Variants in RASA3 observed in about 807,000 individuals in gnomAD.
RASA3 encodes RAS p21 protein activator 3, also known as ras GTPase-activating protein 3.
In RASA3, 73 loss-of-function variants were observed where a neutral mutation model predicts 110.0. That is an observed-to-expected ratio of 0.66 (90% CI 0.55 to 0.81). The LOEUF is 0.81. Among genes scored for constraint, RASA3 ranks in the 30% least tolerant of loss-of-function variants. The pLI is 0.00. For missense variants in RASA3, 976 were observed against 1,113.2 expected (o/e 0.88, Z 1.75); for synonymous variants, 500 against 451.4 (o/e 1.11, Z -1.37).
At chr13:114,130,860 T>G (rs1377943782) in intron 1 of RASA3, among the ~76,000 whole-genome samples, 2 of 151,960 alleles carry the variant, frequency 1.3e-5, no homozygotes, top group Admixed American at 6.5e-5. Flanking sequence ...GGAAGCCCAG[T>G]GCTTCTCACA....
intron 20 of RASA3, 62 bp from the exon 21 acceptor site, chr13:113,996,801 A>C: frequency 2.8e-6 from 4 of 1,452,046 alleles, no homozygotes; most frequent in Non-Finnish European, 3.8e-6. Flanking sequence ...CACGTGCAAG[A>C]GTCCACCAGG....
At chr13:114,074,696 C>T (rs2079638055) in intron 1 of RASA3, among the ~76,000 whole-genome samples, 2 of 152,256 alleles carry the variant, frequency 1.3e-5, no homozygotes, top group Admixed American at 6.5e-5. Context: ...CTCCCTCCTT[C>T]AAGCCCACAG....
chr13:114,112,871 G>T lies in RASA3; in HGVS notation c.55+19564C>A, dbSNP rs559287079. On this transcript the variant is annotated intron_variant, in intron 1 of 23. Transcript: ENST00000334062. This position sits in a 1 kb window ranked among gnomAD's most constrained non-coding sequence, Gnocchi z 4.8. ...CCTCAGCAAAAAAGCAACACTCGCC[G>T]TTCAGAGAGTGAATGAGAGGCCAGC... is the stretch of plus-strand genomic sequence containing the variant. Among the ~76,000 whole-genome samples, 2 of 152,124 alleles carry T rather than the reference G, an allele frequency of 1.3e-5. No homozygotes were observed. Among genetic ancestry groups the T allele is most frequent in the Non-Finnish European group, 2.9e-5 (2 of 68,016 alleles).
At chr13:114,111,950 G>T (rs987005543) in intron 1 of RASA3, among the ~76,000 whole-genome samples, 1 of 152,198 alleles carries the variant, frequency 6.6e-6, no homozygotes, top group African/African-American at 2.4e-5. Flanking sequence ...GGTGAAGGAG[G>T]CACAGACTTC....
chr13:114,030,898 T>C (rs1167369467), intron 4 of RASA3, among the ~76,000 whole-genome samples: 1 of 151,892 alleles, frequency 6.6e-6, no homozygotes, highest in Non-Finnish European at 1.5e-5. Flanking sequence ...CAACTGTGTG[T>C]GTCTATGTGT....
chr13:114,001,661 C>T (rs1426274267), intron 18 of RASA3, among the ~76,000 whole-genome samples: 1 of 149,626 alleles, frequency 6.7e-6, no homozygotes, highest in Non-Finnish European at 1.5e-5. Context: ...GACCTGCGGC[C>T]GTGGGCTCGG....
chr13:114,007,391 C>A (rs1440063821), intron 18 of RASA3, 142 bp downstream of exon 18: 3 of 410,806 alleles, frequency 7.3e-6, no homozygotes. Flanking sequence ...CTTCTCCCCT[C>A]CTGCCCTGCT....
chr13:113,999,563 G>A (rs1247463008), intron 20 of RASA3, 22 bp downstream of exon 20: 5 of 1,609,652 alleles, frequency 3.1e-6, no homozygotes, highest in African/African-American at 1.3e-5. Context: ...CCGAAAGAGA[G>A]GCTTGGGGGC....
At chr13:114,079,936 G>C (rs1231384167) in intron 1 of RASA3, among the ~76,000 whole-genome samples, 2 of 152,190 alleles carry the variant, frequency 1.3e-5, no homozygotes, top group African/African-American at 4.8e-5. Flanking sequence ...CCCGAGGCAG[G>C]GGACACAGCG....
In RASA3 at chr13:114,027,426, G is replaced by A; in HGVS notation, c.566C>T (p.Thr189Ile). 1.2e-6 allele frequency: 2 copies of A among 1,613,374 alleles called. No homozygotes were observed. The highest frequency in any genetic ancestry group is 1.7e-6 in the Non-Finnish European group (2 of 1,179,392). ...CACTTCATCGAACTGGGGATTGTTGGTCTTCCTCTTCACTTTCGTCTTCTT... is the reference window on the plus strand; with the variant it reads ...CACTTCATCGAACTGGGGATTGTTGATCTTCCTCTTCACTTTCGTCTTCTT... Reference protein sequence around the residue: ...EAKKTKVKRKTNNPQFDEVFY... With the variant: ...EAKKTKVKRKINNPQFDEVFY... The change falls in exon 7 of 24, where the codon ACC becomes ATC. Residue 189 changes from threonine to isoleucine, a missense_variant. Transcript: ENST00000334062.
At position 114,065,484 on chromosome 13, in the gene RASA3, C is replaced by G. The variant is rs561491814; in HGVS notation, c.173+8236G>C. ...AAGCCAGCCTCTGGGCTGAGCTCTG[C>G]GGTCCTGAGTCACTGCCTGACTCAT... On this transcript the variant is annotated intron_variant, in intron 2 of 23. Coordinates refer to ENST00000334062, the MANE Select transcript of RASA3 (RefSeq NM_007368.4). This position sits in a 1 kb window ranked among gnomAD's most constrained non-coding sequence, Gnocchi z 4.1. 6.6e-6 allele frequency among the ~76,000 whole-genome samples: 1 copy of G among 152,194 alleles called. No homozygotes were observed. The highest frequency in any genetic ancestry group is 2.4e-5 in the African/African-American group (1 of 41,448).
At chr13:114,071,921 G>A (rs1365357066) in intron 2 of RASA3, among the ~76,000 whole-genome samples, 3 of 152,154 alleles carry the variant, frequency 2.0e-5, no homozygotes, top group African/African-American at 2.4e-5. Context: ...AGCTAAACAT[G>A]TTCTCAAAAT....
Position 114,026,123 on chromosome 13 carries a change from A to G in RASA3, c.603+1266T>C, listed in dbSNP as rs1398705574. 2.0e-5 allele frequency among the ~76,000 whole-genome samples: 3 copies of G among 152,240 alleles called. No homozygotes were observed. In the East Asian group the frequency reaches 5.8e-4, roughly 29 times the overall value. On this transcript the variant is annotated intron_variant, in intron 7 of 23. Coordinates refer to ENST00000334062, the MANE Select transcript of RASA3 (RefSeq NM_007368.4). The stretch of plus-strand genomic sequence containing the variant: ...TGTAGGCTGAGACCCACGTCTTTAC[A>G]GAGTGAAACAGGAGTGCACACAGTA...
chr13:114,127,119 G>A (rs1185677218), intron 1 of RASA3, among the ~76,000 whole-genome samples: 2 of 152,218 alleles, frequency 1.3e-5, no homozygotes, highest in Non-Finnish European at 2.9e-5. Flanking sequence ...CTGCAAACAC[G>A]GTGCCACAGC....
chr13:114,101,378 C>T (rs924004776), intron 1 of RASA3, among the ~76,000 whole-genome samples: 8 of 152,236 alleles, frequency 5.3e-5, no homozygotes, highest in African/African-American at 1.9e-4. Context: ...CCACGGCCCA[C>T]CAGGGGACTG....
At chr13:114,110,763 G>A (rs957211009) in intron 1 of RASA3, among the ~76,000 whole-genome samples, 16 of 152,320 alleles carry the variant, frequency 1.1e-4, no homozygotes, top group East Asian at 9.6e-4. Flanking sequence ...CCCACAGCCC[G>A]GACCGGAGCC....
rs1351537507 is a variant in RASA3, at chr13:114,065,438, C to T, written c.173+8282G>A. 2.6e-5 allele frequency among the ~76,000 whole-genome samples: 4 copies of T among 152,212 alleles called. No homozygotes were observed. Among genetic ancestry groups the T allele is most frequent in the Non-Finnish European group, 4.4e-5 (3 of 68,036 alleles). ...GGAACCAAACCCCAAACCGGGTCTG[C>T]GAAGCAGCCCTGGGGCTCCCAAGCC... On this transcript the variant is annotated intron_variant, in intron 2 of 23. Coordinates refer to ENST00000334062, the MANE Select transcript of RASA3 (RefSeq NM_007368.4). The surrounding 1 kb of genome is among the most constrained non-coding windows in gnomAD (Gnocchi z 4.1).
rs2053627181 is a variant in RASA3, at chr13:114,011,038, T to C, written c.1590+133A>G. The C allele has an allele frequency of 7.4e-5, 62 of 835,500 alleles. No individual in the cohort carries two copies. The East Asian group carries it at 1.5e-3, about 21-fold the overall frequency. The allele number at this position is 835,500 out of a possible 1,614,324, so 51.8% of individuals were successfully genotyped here. ...TCAGGTCCTGGGTTTCAAGAGAGGA[T>C]GTGGTGCCGGCTTTGATTCTTGATC... is the stretch of plus-strand genomic sequence containing the variant. On this transcript the variant is annotated intron_variant, in intron 16 of 23. Coordinates refer to ENST00000334062, the MANE Select transcript of RASA3 (RefSeq NM_007368.4). The surrounding 1 kb of genome is among the most constrained non-coding windows in gnomAD (Gnocchi z 4.8).
At chr13:114,034,419 G>C (rs551591442) in intron 4 of RASA3, among the ~76,000 whole-genome samples, 1 of 152,096 alleles carries the variant, frequency 6.6e-6, no homozygotes, top group Non-Finnish European at 1.5e-5. Context: ...TGTGGCCCCC[G>C]TGTGCTCTCC....
Sources: gnomAD v4.1 joint callset for allele counts (sites outside exome capture counted in the v4.1 genomes callset) on GRCh38, gnomAD v4.1.1 for gene constraint, Gnocchi (gnomAD v3.1) non-coding constraint, MANE v1.5 for transcripts, NCBI Gene and HGNC (gene_info 2026-07-23, HGNC 2026-07-21) for gene names.